The following MGAT4A variants were observed in gnomAD, a reference collection of about 807,000 sequenced individuals.
The protein encoded by MGAT4A is alpha-1,3-mannosyl-glycoprotein 4-beta-N-acetylglucosaminyltransferase A, also known as N-acetylglucosaminyltransferase IVa.
A neutral mutation model predicts 74.1 loss-of-function variants in MGAT4A; 33 were observed. The observed-to-expected ratio is 0.45, with a 90% CI of 0.34 to 0.60. MGAT4A has a LOEUF of 0.60. Among genes scored for constraint, MGAT4A ranks in the 20% least tolerant of loss-of-function variants. The pLI is 0.02. For synonymous variants in MGAT4A, 198 were observed against 210.4 expected, an observed-to-expected ratio of 0.94 and a Z score of 0.51; for missense variants, 479 against 628.3, an observed-to-expected ratio of 0.76 and a Z score of 2.54.
chr2:98,688,410 G>A (rs574642997), intron 2 of MGAT4A, among the ~76,000 whole-genome samples: 6 of 152,142 alleles, frequency 3.9e-5, no homozygotes, highest in African/African-American at 7.2e-5. Context: ...CCCCTTGAGT[G>A]CAGGCAGACA....
intron 14 of MGAT4A, among the ~76,000 whole-genome samples, chr2:98,634,134 T>A (rs1453630073): frequency 6.6e-6 from 1 of 152,192 alleles, no homozygotes; most frequent in East Asian, 1.9e-4. Flanking sequence ...ATTGAGTCAG[T>A]GTCTACCAAG....
rs1420687636 is a variant in MGAT4A at position 98,660,416 on chromosome 2, GCGCACACACACACA to G, written c.538-2166_538-2153del. Among the ~76,000 whole-genome samples the G allele has an allele frequency of 7.4e-3, 625 of 84,944 alleles. 6 individuals are homozygous for G. The highest frequency in any genetic ancestry group is 0.019 in the African/African-American group (569 of 29,650). 55.7% of individuals were successfully genotyped at this position (84,944 alleles called of 152,430 possible). ...ACCACACACACACACACACACGCAC[GCGCACACACACACA>G]CACACACACACACACACACACACAC... On this transcript the variant is annotated intron_variant, in intron 5 of 15. Coordinates refer to ENST00000393487, the MANE Select transcript of MGAT4A (RefSeq NM_012214.3).
chr2:98,730,852 G>T (rs1441695243), intron 1 of MGAT4A, among the ~76,000 whole-genome samples, 196 bp downstream of exon 1: 1 of 143,682 alleles, frequency 7.0e-6, no homozygotes, highest in African/African-American at 2.5e-5. Context: ...GCGCCCAGAG[G>T]CGCCAACAGC....
chr2:98,630,847 G>T (rs1701221154), intron 14 of MGAT4A, among the ~76,000 whole-genome samples: 1 of 152,176 alleles, frequency 6.6e-6, no homozygotes, highest in South Asian at 2.1e-4. Context: ...TTTGTATTTG[G>T]TACTGTGTGT....
chr2:98,657,752 CCT>C (rs1206410690), intron 6 of MGAT4A, among the ~76,000 whole-genome samples: 5 of 152,036 alleles, frequency 3.3e-5, no homozygotes, highest in East Asian at 1.9e-4. Context: ...CTAAGCTTTC[CCT>C]CTGTTACCTA....
rs1051599104 is a variant in MGAT4A at position 98,631,931 on chromosome 2, G to A, written c.1468+3291C>T. On this transcript the variant is annotated intron_variant, in intron 14 of 15. Coordinates refer to ENST00000393487, the MANE Select transcript of MGAT4A (RefSeq NM_012214.3). ...TCAACACCAGCCTGGCCAACATGGCGAAACCCCGCCTCTACCAAAAATAGA... is the reference window on the plus strand; with the variant it reads ...TCAACACCAGCCTGGCCAACATGGCAAAACCCCGCCTCTACCAAAAATAGA... Among the ~76,000 whole-genome samples, 56 of 151,890 alleles carry A rather than the reference G, an allele frequency of 3.7e-4. 1 individual carries two copies. The East Asian group carries it at 9.2e-3, about 25-fold the overall frequency.
At chr2:98,678,190 A>G in intron 3 of MGAT4A, 114 bp downstream of exon 3, 1 of 207,518 alleles carries the variant, frequency 4.8e-6, no homozygotes, top group Non-Finnish European at 8.6e-6. Context: ...AGATTGCGCC[A>G]CTGCATTCCA....
intron 2 of MGAT4A, among the ~76,000 whole-genome samples, chr2:98,713,852 C>A (rs773077337): frequency 6.6e-6 from 1 of 152,072 alleles, no homozygotes; most frequent in Non-Finnish European, 1.5e-5. Flanking sequence ...AATATATTGA[C>A]CTAACAGATT....
intron 3 of MGAT4A, 23 bp downstream of exon 3, chr2:98,678,281 A>C (rs757482521): frequency 1.0e-6 from 1 of 983,490 alleles, no homozygotes; most frequent in Non-Finnish European, 1.3e-6. Context: ...ATCTTTTTAT[A>C]ATATAAAAAA....
intron 2 of MGAT4A, among the ~76,000 whole-genome samples, chr2:98,683,608 C>T (rs975079056): frequency 1.3e-5 from 2 of 151,852 alleles, no homozygotes; most frequent in Middle Eastern, 3.4e-3. Flanking sequence ...CAGATATAGG[C>T]TCAGTCTTTC....
rs35685761 is a variant in MGAT4A, at chr2:98,636,553, A to T, written c.1365T>A (p.Ile455=). 489 of 1,614,042 alleles carry T rather than the reference A, an allele frequency of 3.0e-4. 2 individuals carry two copies. The African/African-American group carries it at 5.4e-3, about 18-fold the overall frequency. The change falls in exon 13 of 16, where the codon ATT becomes ATA. Residue 455 remains isoleucine, a synonymous_variant. Coordinates refer to ENST00000393487, the MANE Select transcript of MGAT4A (RefSeq NM_012214.3). ...HSGNQEHPGD[I]LLNTTVEVLP... is the part of the protein sequence containing the mutation. ...AAACTTCCACAGTTGTGTTTAGCAGAATATCTCCAGGATGTTCTTGGTTGC... is the reference window on the plus strand; with the variant it reads ...AAACTTCCACAGTTGTGTTTAGCAGTATATCTCCAGGATGTTCTTGGTTGC...
intron 2 of MGAT4A, among the ~76,000 whole-genome samples, chr2:98,713,692 GA>G (rs2104327842): frequency 6.6e-6 from 1 of 152,310 alleles, no homozygotes; most frequent in African/African-American, 2.4e-5. Context: ...GGAAGGAATA[GA>G]AATGGGACAG....
In MGAT4A at chr2:98,695,817, T is replaced by C. The variant is rs143087096; in HGVS notation, c.95-17346A>G. The stretch of plus-strand genomic sequence containing the variant: ...CAGGTCTGCAAGTGACTGTGTTTTG[T>C]ATTACTGTAAATATATGAAAATGTA... On this transcript the variant is annotated intron_variant, in intron 2 of 15. Transcript: ENST00000393487. Among the ~76,000 whole-genome samples, 364 of 152,280 alleles carry C rather than the reference T, an allele frequency of 2.4e-3. 2 individuals are homozygous for C. The highest frequency in any genetic ancestry group is 8.4e-3 in the African/African-American group (349 of 41,552).
At chr2:98,640,787 T>C (rs1387174120) in intron 10 of MGAT4A, among the ~76,000 whole-genome samples, 1 of 152,216 alleles carries the variant, frequency 6.6e-6, no homozygotes, top group Non-Finnish European at 1.5e-5. Context: ...AAGGATTTAA[T>C]TTCAACCATC....
intron 2 of MGAT4A, among the ~76,000 whole-genome samples, chr2:98,703,152 C>A (rs1702375681): frequency 6.6e-6 from 1 of 152,050 alleles, no homozygotes; most frequent in Non-Finnish European, 1.5e-5. Context: ...GTTTAAAGAA[C>A]TAAAGGACCA....
In MGAT4A at chr2:98,730,718, C is replaced by G. The variant is rs555574282; in HGVS notation, c.-236+330G>C. ...CGCCAGGAACGCACCAGGCGCCGAG[C>G]CGGCCGCAGAGAGGGCGCGCGACCC... On this transcript the variant is annotated intron_variant, in intron 1 of 15. Coordinates refer to ENST00000393487, the MANE Select transcript of MGAT4A (RefSeq NM_012214.3). Among the ~76,000 whole-genome samples, 1,137 of 150,842 alleles carry G rather than the reference C, an allele frequency of 7.5e-3. 17 individuals are homozygous for G. The highest frequency in any genetic ancestry group is 0.027 in the African/African-American group (1,106 of 41,298).
At chr2:98,642,627 G>GC in intron 10 of MGAT4A, among the ~76,000 whole-genome samples, 1 of 152,316 alleles carries the variant, frequency 6.6e-6, no homozygotes, top group East Asian at 1.9e-4. Context: ...CGAATGGAAT[G>GC]CAAGTGTATT....
At chr2:98,697,489 T>C (rs189440856) in intron 2 of MGAT4A, among the ~76,000 whole-genome samples, 2 of 152,230 alleles carry the variant, frequency 1.3e-5, no homozygotes, top group Admixed American at 1.3e-4. Flanking sequence ...AATCTAGACA[T>C]GATAAAAGGA....
Position 98,622,716 on chromosome 2 carries a change from G to A in MGAT4A, c.*2850C>T. The stretch of plus-strand genomic sequence containing the variant: ...GCACCCACCATAGGAGAGGACAGAT[G>A]AGCAGTATGAGCTGCAGGCTCGCCT... On this transcript the variant is annotated 3_prime_UTR_variant, in exon 16 of 16. Coordinates refer to ENST00000393487, the MANE Select transcript of MGAT4A (RefSeq NM_012214.3). 5 of 985,740 alleles carry A rather than the reference G, an allele frequency of 5.1e-6. No individual in the cohort carries two copies. Among genetic ancestry groups the A allele is most frequent in the African/African-American group, 1.7e-5 (1 of 57,356 alleles). 61.1% of individuals were successfully genotyped at this position (985,740 alleles called of 1,614,324 possible). A position where few individuals can be genotyped will look rare whatever the true frequency, so the allele number is the denominator to read the frequency against.
Sources: gnomAD v4.1 joint callset for allele counts (sites outside exome capture counted in the v4.1 genomes callset) on GRCh38, gnomAD v4.1.1 for gene constraint, MANE v1.5 for transcripts, NCBI Gene and HGNC (gene_info 2026-07-23, HGNC 2026-07-21) for gene names.